Variants in COL17A1 observed in about 807,000 individuals in gnomAD.
The protein encoded by COL17A1 is collagen type XVII alpha 1 chain.
COL17A1 carries 181 observed loss-of-function variants against 218.4 expected under a neutral mutation model. The observed-to-expected ratio is 0.83, with a 90% confidence interval of 0.73 to 0.94. The LOEUF (loss-of-function observed/expected upper bound fraction) is 0.94, where lower values mean the gene tolerates loss of function less well. COL17A1 is among the 40% of genes least tolerant of loss of function. The pLI is 0.00. For synonymous variants in COL17A1, 721 were observed against 731.0 expected, an observed-to-expected ratio of 0.99 and a Z score of 0.22; for missense variants, 1,924 against 1,945.9, an observed-to-expected ratio of 0.99 and a Z score of 0.21.
chr10:104,032,329 T>G, intron 55 of COL17A1, 39 bp from the exon 56 acceptor site: 1 of 1,578,692 alleles, frequency 6.3e-7, no homozygotes, highest in Non-Finnish European at 8.7e-7. Flanking sequence ...AAAACATATC[T>G]TGTGGCCTGT....
intron 9 of COL17A1, among the ~76,000 whole-genome samples, chr10:104,069,919 C>G (rs2086655813): frequency 6.6e-6 from 1 of 151,926 alleles, no homozygotes; most frequent in African/African-American, 2.4e-5. Flanking sequence ...TAAAAGAAAC[C>G]CAAGAAGGAA....
chr10:104,036,708 G>C (rs940638565), intron 47 of COL17A1, 76 bp from the exon 48 acceptor site: 1 of 1,563,180 alleles, frequency 6.4e-7, no homozygotes, highest in Non-Finnish European at 8.7e-7. Context: ...CACAGCCTGG[G>C]CTCCCCTGCA....
At chr10:104,082,977 C>G (rs2086777569) in intron 1 of COL17A1, among the ~76,000 whole-genome samples, 3 of 152,216 alleles carry the variant, frequency 2.0e-5, no homozygotes, top group Non-Finnish European at 4.4e-5. Context: ...CTGCTCTAGG[C>G]AGGTACAGGT....
chr10:104,053,480 C>T (rs1193079038), intron 22 of COL17A1, among the ~76,000 whole-genome samples: 1 of 152,106 alleles, frequency 6.6e-6, no homozygotes, highest in African/African-American at 2.4e-5. Context: ...CTTCCTGATG[C>T]TCCTTAAAAA....
chr10:104,035,587 C>A lies in COL17A1; in HGVS notation c.3419-24G>T, dbSNP rs749471320. On this transcript the variant is annotated intron_variant, in intron 48 of 55. Transcript: ENST00000648076. ...ACCTAGGGAGGTGATGGATTCAGATCAGGCAGGGGGAGGCAGATGGAAACA... is the reference window on the plus strand; with the variant it reads ...ACCTAGGGAGGTGATGGATTCAGATAAGGCAGGGGGAGGCAGATGGAAACA... 7 of 1,593,504 alleles carry A rather than the reference C, an allele frequency of 4.4e-6. No individual in the cohort carries two copies. In the East Asian group the frequency reaches 1.3e-4, roughly 31 times the overall value.
chr10:104,037,709 T>G lies in COL17A1; in HGVS notation c.3135A>C (p.Gly1045=). The change falls in exon 46 of 56, where the codon GGA becomes GGC. Residue 1045 remains glycine (G), a synonymous_variant. Coordinates refer to ENST00000648076, the MANE Select transcript of COL17A1 (RefSeq NM_000494.4). The part of the protein sequence containing the change: ...QGPPGPPGPP[G]PVTTITGETF... ...TCTCGCCTGTGATGGTGGTGACAGG[T>G]CCTGGGGGACCAGGTGGGCCTGGGG... 6.2e-7 allele frequency: 1 copy of G among 1,614,168 alleles called. No homozygotes were observed. The highest frequency in any genetic ancestry group is 1.1e-5 in the South Asian group (1 of 91,086).
chr10:104,035,183 T>C, intron 50 of COL17A1, 80 bp downstream of exon 50: 1 of 1,194,562 alleles, frequency 8.4e-7, no homozygotes, highest in Non-Finnish European at 1.2e-6. Flanking sequence ...GCACTTAGAC[T>C]GCCCTTGCTA....
At chr10:104,034,802 G>C in intron 50 of COL17A1, 35 bp from the exon 51 acceptor site, 1 of 1,605,028 alleles carries the variant, frequency 6.2e-7, no homozygotes, top group Non-Finnish European at 8.5e-7. Context: ...GGTCGGGGTA[G>C]TGCTGCGGAG....
chr10:104,036,185 T>TGTGTATGG (rs1270238077), intron 48 of COL17A1, among the ~76,000 whole-genome samples: 1 of 2,114 alleles, frequency 4.7e-4, no homozygotes, highest in African/African-American at 1.3e-3. Context: ...TGTATGGAAG[T>TGTGTATGG]GAGTGTGTGT....
chr10:104,075,889 A>G (rs2086705908), intron 5 of COL17A1, among the ~76,000 whole-genome samples: 1 of 152,208 alleles, frequency 6.6e-6, no homozygotes, highest in East Asian at 1.9e-4. Flanking sequence ...CCCCTCCTCC[A>G]TAGAATTTTC....
At chr10:104,045,884 A>G in intron 32 of COL17A1, 91 bp from the exon 33 acceptor site, 3 of 1,027,712 alleles carry the variant, frequency 2.9e-6, no homozygotes, top group Non-Finnish European at 4.6e-6. Flanking sequence ...CACTCAGCAC[A>G]GCCACACTGC....
Position 104,077,484 on chromosome 10 carries a change from C to T in COL17A1, c.140G>A (p.Gly47Asp). ...SNGYAKTASL[G>D]GGSRLEKQSL... Reference sequence around the variant, plus strand: ...TTGTTTCTCCAGCCGGCTCCCTCCACCAAGAGAGGCTGTTTTAGCATAGCC... The same window carrying T: ...TTGTTTCTCCAGCCGGCTCCCTCCATCAAGAGAGGCTGTTTTAGCATAGCC... The change falls in exon 4 of 56, where the codon GGT (glycine) becomes GAT (aspartate). Residue 47 changes from glycine (G) to aspartate (D), a missense_variant. Coordinates refer to ENST00000648076, the MANE Select transcript of COL17A1 (RefSeq NM_000494.4). 6.8e-6 allele frequency: 11 copies of T among 1,613,550 alleles called. No homozygotes were observed. Among genetic ancestry groups the T allele is most frequent in the Non-Finnish European group, 8.5e-6 (10 of 1,179,876 alleles).
At chr10:104,066,622 G>A (rs909852693) in intron 9 of COL17A1, among the ~76,000 whole-genome samples, 3 of 152,174 alleles carry the variant, frequency 2.0e-5, no homozygotes, top group African/African-American at 7.2e-5. Context: ...AAAAAGCTCT[G>A]GAATCCCATA....
At chr10:104,040,073 G>A (rs575359177) in intron 40 of COL17A1, 74 bp from the exon 41 acceptor site, 2 of 1,524,882 alleles carry the variant, frequency 1.3e-6, no homozygotes, top group East Asian at 2.3e-5. Flanking sequence ...CCATGGAGGA[G>A]GGGATAGGGG....
chr10:104,050,058 A>G, intron 28 of COL17A1, 31 bp downstream of exon 28: 5 of 1,614,014 alleles, frequency 3.1e-6, no homozygotes, highest in South Asian at 1.1e-5. Flanking sequence ...AGTCGTGGAT[A>G]GATTAAAGTA....
rs553278296 is a variant in COL17A1 at position 104,033,363 on chromosome 10, A to G, written c.4169T>C (p.Leu1390Pro). ...CTGGACAGTGTAGGCCATCCCTTGC[A>G]GTAGGCCCTGACCTGTAAAACACCA... ...VSESMQRQGL[L>P]QGMAYTVQGP... Residue 1390 changes from leucine (L) to proline (P), a missense_variant, in exon 53 of 56, where the codon CTG becomes CCG. By Grantham distance (98) the Leu-to-Pro change is moderately conservative. Transcript: ENST00000648076. 1.2e-6 allele frequency: 2 copies of G among 1,610,748 alleles called. No individual in the cohort carries two copies. The highest frequency in any genetic ancestry group is 2.2e-5 in the East Asian group (1 of 44,794).
At chr10:104,082,988 A>ATCTACCTCTCAATCT (rs1413712455) in intron 1 of COL17A1, among the ~76,000 whole-genome samples, 1 of 152,244 alleles carries the variant, frequency 6.6e-6, no homozygotes, top group Non-Finnish European at 1.5e-5. Context: ...AGGTACAGGT[A>ATCTACCTCTCAATCT]GATGCCTCTC....
At chr10:104,032,622 T>G in intron 55 of COL17A1, 52 bp downstream of exon 55, 1 of 1,555,302 alleles carries the variant, frequency 6.4e-7, no homozygotes, top group African/African-American at 1.4e-5. Context: ...CTAATGAGCG[T>G]CAGCCTTGCA....
Position 104,077,508 on chromosome 10 carries a change from C to T in COL17A1, c.116G>A (p.Gly39Asp). ...ACCAAGAGAGGCTGTTTTAGCATAG[C>T]CATTGCTGGTCCCGCCTTCTGCCAG... ...SLPPKGGTSN[G>D]YAKTASLGGG... The change falls in exon 4 of 56, where the codon GGC becomes GAC. Residue 39 changes from glycine to aspartate, a missense_variant. Physicochemically the swap from Gly to Asp is moderately conservative, Grantham distance 94. Coordinates refer to ENST00000648076, the MANE Select transcript of COL17A1 (RefSeq NM_000494.4). 1 of 1,612,634 alleles carries T rather than the reference C, an allele frequency of 6.2e-7. No individual in the cohort carries two copies. Among genetic ancestry groups the T allele is most frequent in the Non-Finnish European group, 8.5e-7 (1 of 1,179,594 alleles).
Sources: allele counts gnomAD v4.1 joint callset (sites outside exome capture counted in the v4.1 genomes callset), GRCh38; gene constraint gnomAD v4.1.1; transcripts MANE v1.5; gene names NCBI Gene and HGNC (gene_info 2026-07-23, HGNC 2026-07-21).